The following COL25A1 variants were observed in gnomAD, a reference collection of about 807,000 sequenced individuals.
COL25A1 encodes the protein collagen type XXV alpha 1 chain, also known as collagen alpha-1(XXV) chain.
A neutral mutation model predicts 128.4 loss-of-function variants in COL25A1; 103 were observed. The ratio of observed to expected loss-of-function variants is 0.80; its 90% CI spans 0.68 to 0.94. COL25A1 has a LOEUF of 0.94. Among genes scored for constraint, COL25A1 ranks in the 40% least tolerant of loss-of-function variants. The pLI, the probability that COL25A1 is intolerant of heterozygous loss-of-function variation, is 0.00. For missense variants in COL25A1, 745 were observed against 840.0 expected, an observed-to-expected ratio of 0.89 and a Z score of 1.40; for synonymous variants, 279 against 277.2, an observed-to-expected ratio of 1.01 and a Z score of -0.06.
intron 3 of COL25A1, among the ~76,000 whole-genome samples, chr4:109,285,036 T>C (rs1397283168): frequency 6.6e-6 from 1 of 152,116 alleles, no homozygotes; most frequent in African/African-American, 2.4e-5. Flanking sequence ...AAGTTTTTTT[T>C]CTCTCCCATT....
At chr4:108,958,532 TA>T (rs1051011738) in intron 8 of COL25A1, among the ~76,000 whole-genome samples, 1 of 151,750 alleles carries the variant, frequency 6.6e-6, no homozygotes. Flanking sequence ...AACATTTTTT[TA>T]AAAAAAACCT....
At chr4:109,091,114 T>G in intron 3 of COL25A1, among the ~76,000 whole-genome samples, 1 of 152,216 alleles carries the variant, frequency 6.6e-6, no homozygotes, top group East Asian at 1.9e-4. Flanking sequence ...GTTTTTGAAA[T>G]GCTTCAGAAT....
Position 108,849,046 on chromosome 4 carries a change from T to C in COL25A1, c.1390-243A>G, listed in dbSNP as rs185469161. On this transcript the variant is annotated intron_variant, in intron 26 of 37. Coordinates refer to ENST00000399132, the MANE Select transcript of COL25A1 (RefSeq NM_198721.4). ...TTTTAGTGTTTTTATTTTTTCTCCA[T>C]GTGAGATGCAGGCTAAAAAAGAGTG... Among the ~76,000 whole-genome samples, 644 of 152,276 alleles carry C rather than the reference T, an allele frequency of 4.2e-3. 3 individuals carry two copies. Among genetic ancestry groups the C allele is most frequent in the Non-Finnish European group, 7.4e-3 (503 of 68,000 alleles).
intron 20 of COL25A1, among the ~76,000 whole-genome samples, chr4:108,868,556 A>AAAG (rs1553955580): frequency 0.016 from 2,423 of 147,790 alleles, 69 homozygotes; most frequent in African/African-American, 0.056. Context: ...AAAAAGAAAG[A>AAAG]AAGAAAGAGA....
chr4:109,176,819 C>T (rs931727893), intron 3 of COL25A1, among the ~76,000 whole-genome samples: 5 of 151,980 alleles, frequency 3.3e-5, no homozygotes, highest in East Asian at 3.9e-4. Context: ...GAGAAGGCCA[C>T]GTGAAGAGAG....
At chr4:109,299,201 G>A (rs1473795823) in intron 3 of COL25A1, among the ~76,000 whole-genome samples, 1 of 152,166 alleles carries the variant, frequency 6.6e-6, no homozygotes, top group East Asian at 1.9e-4. Context: ...TATGATCAGT[G>A]AAGTCCTGCA....
intron 3 of COL25A1, among the ~76,000 whole-genome samples, chr4:109,294,694 T>C (rs1724809091): frequency 6.6e-6 from 1 of 152,118 alleles, no homozygotes; most frequent in Admixed American, 6.6e-5. Flanking sequence ...TCAGCTTCCT[T>C]AAAACCACCA....
chr4:108,819,992 G>T, intron 35 of COL25A1: 1 of 479,168 alleles, frequency 2.1e-6, no homozygotes, highest in South Asian at 1.1e-4. Flanking sequence ...ATTCTGGAAG[G>T]GCATTTACCA....
rs962115885 is a variant in COL25A1, at chr4:109,301,650, C to T, written c.297+73G>A. ...CCAAGTATGGGTACAGTAAGGGTAG[C>T]GGCTAGTCATGCACACAGAGTCACG... On this transcript the variant is annotated intron_variant, in intron 2 of 37. Coordinates refer to ENST00000399132, the MANE Select transcript of COL25A1 (RefSeq NM_198721.4). 8 of 1,514,088 alleles carry T rather than the reference C, an allele frequency of 5.3e-6. No individual in the cohort carries two copies. In the Admixed American group the frequency reaches 1.3e-4, roughly 24 times the overall value. 93.8% of individuals were successfully genotyped at this position (1,514,088 alleles called of 1,614,324 possible). A position where few individuals can be genotyped will look rare whatever the true frequency, so the allele number is the denominator to read the frequency against.
At chr4:108,832,729 G>A (rs769205567) in intron 31 of COL25A1, 1 of 211,964 alleles carries the variant, frequency 4.7e-6, no homozygotes, top group East Asian at 1.2e-4. Flanking sequence ...GGGTGCGGTG[G>A]CTCAAGCCTG....
intron 5 of COL25A1, among the ~76,000 whole-genome samples, chr4:109,036,077 G>A (rs1001359656): frequency 5.3e-5 from 8 of 151,892 alleles, no homozygotes; most frequent in Admixed American, 2.0e-4. Flanking sequence ...ACAGGCGCCC[G>A]CCACCATGCC....
chr4:109,231,298 A>G (rs879730318), intron 3 of COL25A1, among the ~76,000 whole-genome samples: 15 of 152,184 alleles, frequency 9.9e-5, no homozygotes, highest in Non-Finnish European at 1.8e-4. Context: ...CCAAATACTC[A>G]TAGTCAAGCT....
intron 23 of COL25A1, among the ~76,000 whole-genome samples, 172 bp downstream of exon 23, chr4:108,860,755 G>C (rs1029577862): frequency 1.3e-5 from 2 of 152,014 alleles, no homozygotes; most frequent in African/African-American, 4.8e-5. Context: ...CACTGCTCCT[G>C]GTGAGGAAAA....
chr4:109,062,649 A>C (rs979578646), intron 3 of COL25A1, among the ~76,000 whole-genome samples: 1 of 152,198 alleles, frequency 6.6e-6, no homozygotes, highest in Non-Finnish European at 1.5e-5. Flanking sequence ...TTTAAGAACA[A>C]AAATGAGGAA....
intron 8 of COL25A1, among the ~76,000 whole-genome samples, chr4:108,952,245 A>T (rs1308477465): frequency 6.6e-6 from 1 of 152,208 alleles, no homozygotes; most frequent in Non-Finnish European, 1.5e-5. Context: ...TATCTGGTAT[A>T]CATCTTTTAA....
At chr4:108,814,059 TC>T in intron 37 of COL25A1, 130 bp from the exon 38 acceptor site, 1 of 664,512 alleles carries the variant, frequency 1.5e-6, no homozygotes, top group Non-Finnish European at 2.7e-6. Context: ...TGACTGGCTA[TC>T]AATGAGCCAA....
chr4:109,249,571 A>G (rs1194889818), intron 3 of COL25A1, among the ~76,000 whole-genome samples: 3 of 151,834 alleles, frequency 2.0e-5, no homozygotes, highest in East Asian at 1.9e-4. Flanking sequence ...TTCCACGTCA[A>G]TAAGACCGAA....
chr4:108,999,559 G>A (rs1327698650), intron 6 of COL25A1, among the ~76,000 whole-genome samples: 7 of 152,164 alleles, frequency 4.6e-5, no homozygotes, highest in African/African-American at 1.7e-4. Context: ...ACAGTGTGGC[G>A]ATTCCTCAAG....
chr4:109,081,981 A>G (rs1763883120), intron 3 of COL25A1, among the ~76,000 whole-genome samples: 1 of 152,228 alleles, frequency 6.6e-6, no homozygotes, highest in Admixed American at 6.5e-5. Flanking sequence ...CTGGGATTAC[A>G]GGTGTGAGCC....
Sources: allele counts gnomAD v4.1 joint callset (sites outside exome capture counted in the v4.1 genomes callset), GRCh38; gene constraint gnomAD v4.1.1; transcripts MANE v1.5; gene names NCBI Gene and HGNC (gene_info 2026-07-23, HGNC 2026-07-21).